Variants in LAMA2 observed in about 807,000 individuals in gnomAD.
LAMA2 encodes the protein laminin subunit alpha-2.
Under a neutral mutation model 364.8 loss-of-function variants are expected in LAMA2, and 269 were observed. The ratio of observed to expected loss-of-function variants is 0.74; its 90% CI spans 0.67 to 0.82. The LOEUF is 0.82. LAMA2 is among the 40% of genes least tolerant of loss of function. The pLI, the probability that LAMA2 is intolerant of heterozygous loss-of-function variation, is 0.00. For synonymous variants in LAMA2, 1,379 were observed against 1,370.6 expected (o/e 1.01, Z -0.14); for missense variants, 3,807 against 3,873.2 (o/e 0.98, Z 0.45).
At chr6:129,349,233 A>G in intron 30 of LAMA2, 65 bp from the exon 31 acceptor site, 1 of 1,233,208 alleles carries the variant, frequency 8.1e-7, no homozygotes, top group South Asian at 1.2e-5. Flanking sequence ...GATCATGGAT[A>G]GGAATACTAT....
At chr6:129,514,899 G>A (rs1002980968) in intron 64 of LAMA2, among the ~76,000 whole-genome samples, 1 of 151,972 alleles carries the variant, frequency 6.6e-6, no homozygotes, top group African/African-American at 2.4e-5. Context: ...AGCAATTGGA[G>A]CCAAACTTGG....
chr6:129,443,104 G>T (rs771530562), intron 44 of LAMA2, 36 bp downstream of exon 44: 37 of 1,538,810 alleles, frequency 2.4e-5, no homozygotes, highest in South Asian at 1.7e-4. Flanking sequence ...TTTTAGTAAC[G>T]CTCATGCTTC....
chr6:129,497,479 C>T (rs116060135), intron 58 of LAMA2, among the ~76,000 whole-genome samples: 2,290 of 152,294 alleles, frequency 0.015, 60 homozygotes, highest in African/African-American at 0.052. Context: ...AAGTGATCCA[C>T]CTGCCTCAGC....
intron 35 of LAMA2, among the ~76,000 whole-genome samples, chr6:129,389,057 A>T (rs1473423946): frequency 6.6e-6 from 1 of 152,182 alleles, no homozygotes; most frequent in Non-Finnish European, 1.5e-5. Context: ...GACACAGCCT[A>T]GGTGATGTAT....
At chr6:129,179,804 A>G (rs1780823590) in intron 10 of LAMA2, among the ~76,000 whole-genome samples, 1 of 152,184 alleles carries the variant, frequency 6.6e-6, no homozygotes, top group African/African-American at 2.4e-5. Context: ...TGCAGAAAGC[A>G]AGTTTCATAA....
chr6:129,446,472 C>T (rs982452943), intron 45 of LAMA2, among the ~76,000 whole-genome samples: 2 of 132,588 alleles, frequency 1.5e-5, no homozygotes, highest in Non-Finnish European at 3.2e-5. Flanking sequence ...TAAGTGGCAA[C>T]GTGAAACTTT....
chr6:129,387,402 A>G (rs1035624550), intron 35 of LAMA2, among the ~76,000 whole-genome samples: 3 of 152,222 alleles, frequency 2.0e-5, no homozygotes, highest in Admixed American at 6.5e-5. Flanking sequence ...AAGTCAGGAA[A>G]CAATAGATGC....
intron 1 of LAMA2, among the ~76,000 whole-genome samples, chr6:128,921,968 T>C (rs1666932136): frequency 6.6e-6 from 1 of 151,634 alleles, no homozygotes; most frequent in Non-Finnish European, 1.5e-5. Flanking sequence ...TTTGGTTTTT[T>C]GTCCTTGTGA....
intron 3 of LAMA2, among the ~76,000 whole-genome samples, chr6:129,078,630 T>C (rs755995449): frequency 1.3e-5 from 2 of 152,202 alleles, no homozygotes; most frequent in Non-Finnish European, 2.9e-5. Context: ...TATAATATGG[T>C]ATGGCTATTT....
chr6:129,061,186 G>T (rs1366523137), intron 3 of LAMA2, among the ~76,000 whole-genome samples: 1 of 152,018 alleles, frequency 6.6e-6, no homozygotes, highest in Non-Finnish European at 1.5e-5. Flanking sequence ...GTCCTTTATT[G>T]GTCACAAGAG....
At position 129,402,428 on chromosome 6, in the gene LAMA2, G is replaced by T. The variant is rs372916842; in HGVS notation, c.5667G>T (p.Lys1889Asn). The T allele has an allele frequency of 2.5e-6, 4 of 1,614,102 alleles. No individual in the cohort carries two copies. In the East Asian group the frequency reaches 6.7e-5, roughly 27 times the overall value. The change falls in exon 39 of 65, where the codon AAG becomes AAT. Residue 1889 changes from lysine to asparagine, a missense_variant. By Grantham distance (94) the Lys-to-Asn change is moderately conservative (BLOSUM62 0). This residue lies in a region of LAMA2 where 3,333 missense variants were observed against 3,345.7 expected (regional missense o/e 1.00). Coordinates refer to ENST00000421865, the MANE Select transcript of LAMA2 (RefSeq NM_000426.4). ...TAAAGGACAGGAAGCTTGCTGAGAA[G>T]GTGTCCCAGGCTGAGAGCCACGCAG... is the stretch of plus-strand genomic sequence containing the variant. ...QEIKDRKLAE[K>N]VSQAESHAAQ...
intron 1 of LAMA2, among the ~76,000 whole-genome samples, chr6:128,919,421 G>A (rs1316487043): frequency 6.6e-6 from 1 of 152,088 alleles, no homozygotes; most frequent in African/African-American, 2.4e-5. Flanking sequence ...ATTATATAAT[G>A]GTTAATATTG....
intron 30 of LAMA2, among the ~76,000 whole-genome samples, chr6:129,348,977 T>C (rs1226723110): frequency 2.6e-5 from 4 of 152,182 alleles, no homozygotes; most frequent in Non-Finnish European, 5.9e-5. Context: ...TTTCTTTTGA[T>C]TAGTGAACAA....
chr6:129,492,394 G>T lies in LAMA2; in HGVS notation c.8155G>T (p.Glu2719Ter), dbSNP rs1289855948. The change falls in exon 58 of 65, where the codon GAA becomes TAA. Residue 2719 changes from glutamate (E) to a stop codon, truncating the protein, a stop_gained. Coordinates refer to ENST00000421865, the MANE Select transcript of LAMA2 (RefSeq NM_000426.4). LOFTEE classifies it high-confidence loss of function. Reference protein sequence around the residue: ...RCAHQKLREDEDGAAPAEIVI... With the variant: ...RCAHQKLRED ...TGCCCATCAGAAACTCCGTGAAGATGAAGATGGAGCAGCTCCAGCTGAAAT... is the reference window on the plus strand; with the variant it reads ...TGCCCATCAGAAACTCCGTGAAGATTAAGATGGAGCAGCTCCAGCTGAAAT... 6.2e-7 allele frequency: 1 copy of T among 1,614,196 alleles called. No homozygotes were observed. The highest frequency in any genetic ancestry group is 1.1e-5 in the South Asian group (1 of 91,082).
chr6:129,004,940 G>A (rs189377280), intron 1 of LAMA2, among the ~76,000 whole-genome samples: 11 of 152,034 alleles, frequency 7.2e-5, no homozygotes, highest in Admixed American at 3.3e-4. Context: ...TATGCAATCC[G>A]AATTTTCAAG....
chr6:129,181,449 CAAAG>C (rs1419786336), intron 10 of LAMA2, among the ~76,000 whole-genome samples: 3 of 150,252 alleles, frequency 2.0e-5, no homozygotes, highest in South Asian at 2.1e-4. Flanking sequence ...GAAGAATAAA[CAAAG>C]AAGGAATAGA....
chr6:128,903,105 G>C (rs1262647018), intron 1 of LAMA2, among the ~76,000 whole-genome samples: 1 of 151,846 alleles, frequency 6.6e-6, no homozygotes, highest in South Asian at 2.1e-4. Flanking sequence ...AATTTACTTA[G>C]TGAAATACTG....
At chr6:129,475,563 C>A (rs1266669185) in intron 53 of LAMA2, among the ~76,000 whole-genome samples, 162 bp downstream of exon 53, 1 of 151,442 alleles carries the variant, frequency 6.6e-6, no homozygotes, top group Admixed American at 6.6e-5. Context: ...CTCCTGCTGC[C>A]CCTTGCTGGC....
In LAMA2 at chr6:129,287,996, G is replaced by A. The variant is rs753890194; in HGVS notation, c.2687G>A (p.Arg896Gln). The A allele has an allele frequency of 6.8e-6, 11 of 1,613,946 alleles. No homozygotes were observed. Among genetic ancestry groups the A allele is most frequent in the East Asian group, 6.7e-5 (3 of 44,884 alleles). ...ATATGTAAACCAGGTACAACAGGCC[G>A]GTACTGTGAGCTCTGTGCTGATGGA... ...CLICKPGTTG[R>Q]YCELCADGYF... The change falls in exon 19 of 65, where the codon CGG (arginine) becomes CAG (glutamine). Residue 896 changes from arginine (R) to glutamine (Q), a missense_variant. Around this residue, in one of 3 missense-constraint regions of LAMA2, gnomAD observed 3,333 missense variants for 3,345.7 expected, o/e 1.00. Coordinates refer to ENST00000421865, the MANE Select transcript of LAMA2 (RefSeq NM_000426.4).
Sources: gnomAD v4.1 joint callset for allele counts (sites outside exome capture counted in the v4.1 genomes callset) on GRCh38, gnomAD v4.1.1 for gene constraint, gnomAD v4.1.1 regional missense constraint, MANE v1.5 for transcripts, NCBI Gene and HGNC (gene_info 2026-07-23, HGNC 2026-07-21) for gene names.